The following DNER variants were observed in gnomAD, a reference collection of about 807,000 sequenced individuals.
DNER encodes delta and Notch-like epidermal growth factor-related receptor.
A neutral mutation model predicts 78.2 loss-of-function variants in DNER; 33 were observed. That is an observed-to-expected ratio of 0.42 (90% CI 0.32 to 0.56). The LOEUF is 0.56. DNER is among the 20% of genes least tolerant of loss of function. DNER has a pLI of 0.11. For missense variants in DNER, 918 were observed against 975.3 expected, an observed-to-expected ratio of 0.94 and a Z score of 0.78; for synonymous variants, 417 against 384.8, an observed-to-expected ratio of 1.08 and a Z score of -0.98.
At chr2:229,657,660 A>G (rs1331350643) in intron 1 of DNER, among the ~76,000 whole-genome samples, 1 of 152,232 alleles carries the variant, frequency 6.6e-6, no homozygotes, top group African/African-American at 2.4e-5. Flanking sequence ...CAAGAAGATG[A>G]TACGTAAGGC....
Position 229,407,777 on chromosome 2 carries a change from CT to C in DNER, c.1610-433del, listed in dbSNP as rs557457812. ...GATATTTAAGTGAGTCCCAGTTCTA[CT>C]TTGAAGAACTGCAGGGGAGAGGGGA... On this transcript the variant is annotated intron_variant, in intron 9 of 12. Coordinates refer to ENST00000341772, the MANE Select transcript of DNER (RefSeq NM_139072.4). 2.4e-3 allele frequency among the ~76,000 whole-genome samples: 358 copies of C among 152,306 alleles called. 2 individuals are homozygous for C. The highest frequency in any genetic ancestry group is 3.4e-3 in the Middle Eastern group (1 of 294).
At chr2:229,699,077 A>G (rs1699705066) in intron 1 of DNER, among the ~76,000 whole-genome samples, 1 of 152,210 alleles carries the variant, frequency 6.6e-6, no homozygotes, top group Non-Finnish European at 1.5e-5. Flanking sequence ...GTTGAAGAAC[A>G]TTGTTTGAAA....
intron 11 of DNER, among the ~76,000 whole-genome samples, chr2:229,371,677 C>T (rs879529358): frequency 5.3e-5 from 8 of 152,186 alleles, no homozygotes; most frequent in Non-Finnish European, 8.8e-5. Context: ...ATCAGACCCA[C>T]CTCCACTCTG....
chr2:229,429,578 CTT>C (rs1192599706), intron 8 of DNER, among the ~76,000 whole-genome samples: 1 of 152,192 alleles, frequency 6.6e-6, no homozygotes, highest in Non-Finnish European at 1.5e-5. Context: ...GGGTGCCGTA[CTT>C]CTGAAATAGG....
chr2:229,663,063 A>G (rs929606628), intron 1 of DNER, among the ~76,000 whole-genome samples: 3 of 152,212 alleles, frequency 2.0e-5, no homozygotes, highest in Admixed American at 6.5e-5. Context: ...CTTTGCCCCA[A>G]GTAGATGCTT....
At chr2:229,534,185 G>C (rs1221665424) in intron 5 of DNER, among the ~76,000 whole-genome samples, 1 of 152,160 alleles carries the variant, frequency 6.6e-6, no homozygotes, top group Admixed American at 6.5e-5. Flanking sequence ...CAGACCAATA[G>C]ATTGTAACGT....
intron 11 of DNER, among the ~76,000 whole-genome samples, chr2:229,372,146 T>G (rs888650911): frequency 6.6e-6 from 1 of 152,214 alleles, no homozygotes; most frequent in African/African-American, 2.4e-5. Context: ...GGCACAGTGC[T>G]GAGTGACAGG....
intron 1 of DNER, among the ~76,000 whole-genome samples, chr2:229,597,189 T>C (rs532153702): frequency 2.0e-5 from 3 of 152,366 alleles, no homozygotes; most frequent in African/African-American, 7.2e-5. Context: ...AAAAATAATT[T>C]TATCCCAATG....
At chr2:229,426,181 C>T (rs545939944) in intron 8 of DNER, among the ~76,000 whole-genome samples, 3 of 152,148 alleles carry the variant, frequency 2.0e-5, no homozygotes, top group African/African-American at 7.2e-5. Flanking sequence ...GTGGTTCACA[C>T]CTATAATCCC....
intron 8 of DNER, among the ~76,000 whole-genome samples, chr2:229,432,425 A>G (rs1035796300): frequency 3.9e-5 from 6 of 152,246 alleles, no homozygotes; most frequent in African/African-American, 1.4e-4. Flanking sequence ...CACTTTGAAG[A>G]GAAAATAAAA....
intron 1 of DNER, among the ~76,000 whole-genome samples, chr2:229,681,597 T>C (rs1053353498): frequency 6.6e-6 from 1 of 152,210 alleles, no homozygotes; most frequent in African/African-American, 2.4e-5. Flanking sequence ...TCAGTCATTC[T>C]TCAAGTAAAT....
chr2:229,691,012 A>T (rs1042330671), intron 1 of DNER, among the ~76,000 whole-genome samples: 2 of 152,184 alleles, frequency 1.3e-5, no homozygotes, highest in Non-Finnish European at 2.9e-5. Context: ...CTTTTTTATC[A>T]TCAGTTTGAG....
intron 4 of DNER, among the ~76,000 whole-genome samples, chr2:229,551,243 G>T (rs929001415): frequency 1.3e-5 from 2 of 152,148 alleles, no homozygotes; most frequent in African/African-American, 4.8e-5. Flanking sequence ...TTTGGGGAAA[G>T]ATATAAAAAT....
chr2:229,484,183 C>T (rs1449691006), intron 6 of DNER, among the ~76,000 whole-genome samples: 1 of 152,196 alleles, frequency 6.6e-6, no homozygotes, highest in African/African-American at 2.4e-5. Context: ...TAGGTTTAGC[C>T]TCTCCCTAAG....
intron 10 of DNER, among the ~76,000 whole-genome samples, chr2:229,397,447 C>T (rs528135523): frequency 9.3e-6 from 1 of 107,016 alleles, no homozygotes; most frequent in Non-Finnish European, 2.2e-5. Context: ...AACTGCTCCA[C>T]TCCAGCCAAA....
chr2:229,546,426 T>A (rs1308503571), intron 5 of DNER, among the ~76,000 whole-genome samples: 3 of 152,196 alleles, frequency 2.0e-5, no homozygotes, highest in Admixed American at 1.3e-4. Flanking sequence ...ATAGAGAGAA[T>A]CTTCTAATAG....
At chr2:229,592,730 C>A (rs1032923944) in intron 1 of DNER, among the ~76,000 whole-genome samples, 2 of 152,132 alleles carry the variant, frequency 1.3e-5, no homozygotes, top group Non-Finnish European at 2.9e-5. Flanking sequence ...CTTCAGATAG[C>A]GCAAGGGTTC....
intron 1 of DNER, among the ~76,000 whole-genome samples, chr2:229,690,013 G>C (rs1185780798): frequency 6.6e-6 from 1 of 152,186 alleles, no homozygotes; most frequent in African/African-American, 2.4e-5. Context: ...AATTATATTG[G>C]AAAGCTGCAA....
rs371144382 is a variant in DNER at position 229,377,328 on chromosome 2, A to G, written c.1856-10209T>C. On this transcript the variant is annotated intron_variant, in intron 11 of 12. Coordinates refer to ENST00000341772, the MANE Select transcript of DNER (RefSeq NM_139072.4). ...TACAAAACTGGCCAACTGTCAGTCA[A>G]TGAGGTTAACTATAACTCTAACTTT... Among the ~76,000 whole-genome samples the G allele has an allele frequency of 2.1e-4, 32 of 152,352 alleles. 1 individual carries two copies. The highest frequency in any genetic ancestry group is 6.5e-4 in the African/African-American group (27 of 41,586).
Sources: gnomAD v4.1 joint callset for allele counts (sites outside exome capture counted in the v4.1 genomes callset) on GRCh38, gnomAD v4.1.1 for gene constraint, MANE v1.5 for transcripts, NCBI Gene and HGNC (gene_info 2026-07-23, HGNC 2026-07-21) for gene names.